The following ATP1B3 variants were observed in gnomAD, a reference collection of about 807,000 sequenced individuals.
The protein encoded by ATP1B3 is sodium/potassium-transporting ATPase subunit beta-3.
A neutral mutation model predicts 30.2 loss-of-function variants in ATP1B3; 10 were observed. The observed-to-expected ratio is 0.33, with a 90% CI of 0.20 to 0.56. The LOEUF (loss-of-function observed/expected upper bound fraction) is 0.56, where lower values mean the gene tolerates loss of function less well. Ranked by LOEUF, ATP1B3 falls within the 20% of genes least tolerant of loss-of-function variation. The pLI is 0.90. For synonymous variants in ATP1B3, 113 were observed against 117.0 expected (o/e 0.97, Z 0.22); for missense variants, 238 against 336.7 (o/e 0.71, Z 2.29).
chr3:141,919,095 A>G (rs1218443867), intron 5 of ATP1B3: 3 of 152,208 alleles, frequency 2.0e-5, no homozygotes, highest in Admixed American at 6.5e-5. Context: ...CATTTACTAC[A>G]TATCATAATT....
intron 1 of ATP1B3, 80 bp from the exon 2 acceptor site, chr3:141,903,540 G>A: frequency 1.3e-6 from 2 of 1,582,726 alleles, no homozygotes; most frequent in Non-Finnish European, 8.6e-7. Flanking sequence ...AGAACAGTTG[G>A]TTTGTTTTTT....
At chr3:141,884,041 T>A (rs1238782600) in intron 1 of ATP1B3, among the ~76,000 whole-genome samples, 2 of 152,230 alleles carry the variant, frequency 1.3e-5, no homozygotes, top group African/African-American at 4.8e-5. Context: ...ACTGCTTTTA[T>A]GAGACCCTCA....
At chr3:141,896,314 C>CAAA (rs545571151) in intron 1 of ATP1B3, among the ~76,000 whole-genome samples, 4 of 143,888 alleles carry the variant, frequency 2.8e-5, no homozygotes, top group African/African-American at 7.5e-5. Context: ...AGTAAAATTA[C>CAAA]AAAAAAAAAA....
At chr3:141,884,827 C>G (rs1174844388) in intron 1 of ATP1B3, among the ~76,000 whole-genome samples, 1 of 152,284 alleles carries the variant, frequency 6.6e-6, no homozygotes, top group East Asian at 1.9e-4. Flanking sequence ...CTGACTAATG[C>G]AATGTATGTA....
At chr3:141,892,428 T>G (rs1933972342) in intron 1 of ATP1B3, among the ~76,000 whole-genome samples, 2 of 152,160 alleles carry the variant, frequency 1.3e-5, no homozygotes, top group Non-Finnish European at 2.9e-5. Context: ...TAACTGACTC[T>G]GATAATGTCC....
Position 141,876,722 on chromosome 3 carries a change from C to CG in ATP1B3, c.-78dup. ...CACTGCCGTCTCCGGGCTGCGCCGC[C>CG]GGAGCCGGGACGCGCCTCCGCAGCC... On this transcript the variant is annotated 5_prime_UTR_variant, in exon 1 of 7. Coordinates refer to ENST00000286371, the MANE Select transcript of ATP1B3 (RefSeq NM_001679.4). 4 of 1,124,532 alleles carry CG rather than the reference C, an allele frequency of 3.6e-6. No individual in the cohort carries two copies. The highest frequency in any genetic ancestry group is 5.2e-6 in the Non-Finnish European group (4 of 776,456). 69.7% of individuals were successfully genotyped at this position (1,124,532 alleles called of 1,614,324 possible). A position where few individuals can be genotyped will look rare whatever the true frequency, so the allele number is the denominator to read the frequency against.
chr3:141,903,828 C>T, intron 2 of ATP1B3, 80 bp downstream of exon 2: 1 of 1,513,076 alleles, frequency 6.6e-7, no homozygotes, highest in Non-Finnish European at 9.0e-7. Context: ...GTTGCCCAGG[C>T]TGGAATGCAG....
In ATP1B3 at chr3:141,907,184, A is replaced by G; in HGVS notation, c.256A>G (p.Lys86Glu). ...CTTTATAGGACTCATGGTTTTTCCAAAACCAGTGACCGCATTGGAATATAC... is the reference window on the plus strand; with the variant it reads ...CTTTATAGGACTCATGGTTTTTCCAGAACCAGTGACCGCATTGGAATATAC... ...IPSPGLMVFP[K>E]PVTALEYTFS... The change falls in exon 3 of 7, where the codon AAA becomes GAA. Residue 86 changes from lysine (K) to glutamate (E), a missense_variant. By Grantham distance (56) the Lys-to-Glu change is moderately conservative. Transcript: ENST00000286371. 6.2e-7 allele frequency: 1 copy of G among 1,609,954 alleles called. No individual in the cohort carries two copies. Among genetic ancestry groups the G allele is most frequent in the Non-Finnish European group, 8.5e-7 (1 of 1,178,296 alleles).
At chr3:141,914,258 C>T (rs1300484976) in intron 4 of ATP1B3, among the ~76,000 whole-genome samples, 6 of 151,916 alleles carry the variant, frequency 3.9e-5, no homozygotes, top group Admixed American at 1.3e-4. Context: ...TTAACTTTTT[C>T]GAAATAGTAG....
rs1037453562 is a variant in ATP1B3 at position 141,926,071 on chromosome 3, A to G, written c.*370A>G. Reference sequence around the variant, plus strand: ...TAACAACTGTCATATTTTGATGTCAACAGAGTTTTAGGGATAAAATGGTAC... The same window carrying G: ...TAACAACTGTCATATTTTGATGTCAGCAGAGTTTTAGGGATAAAATGGTAC... On this transcript the variant is annotated 3_prime_UTR_variant, in exon 7 of 7. Transcript: ENST00000286371. 2 of 167,056 alleles carry G rather than the reference A, an allele frequency of 1.2e-5. No homozygotes were observed. Among genetic ancestry groups the G allele is most frequent in the African/African-American group, 2.4e-5 (1 of 41,998 alleles). 10.3% of individuals were successfully genotyped at this position (167,056 alleles called of 1,614,324 possible).
At chr3:141,902,053 C>T in intron 1 of ATP1B3, 2 of 1,040,892 alleles carry the variant, frequency 1.9e-6, no homozygotes, top group Non-Finnish European at 2.6e-6. Flanking sequence ...TTAAACTGGC[C>T]TGTGGGCTTT....
intron 6 of ATP1B3, among the ~76,000 whole-genome samples, chr3:141,924,649 G>A (rs1217502531): frequency 6.6e-6 from 1 of 151,496 alleles, no homozygotes; most frequent in Non-Finnish European, 1.5e-5. Flanking sequence ...TTTCAAAAAA[G>A]AATATTAAAA....
chr3:141,924,798 C>G (rs1934625582), intron 6 of ATP1B3, among the ~76,000 whole-genome samples: 1 of 151,636 alleles, frequency 6.6e-6, no homozygotes, highest in African/African-American at 2.4e-5. Flanking sequence ...ATTAAAAATA[C>G]AAAAGTTAGC....
At chr3:141,899,502 G>C (rs1038035580) in intron 1 of ATP1B3, among the ~76,000 whole-genome samples, 1 of 152,112 alleles carries the variant, frequency 6.6e-6, no homozygotes, top group Admixed American at 6.6e-5. Flanking sequence ...TGTTGAGGGG[G>C]CATATTTCCA....
chr3:141,901,872 A>G (rs1229560953), intron 1 of ATP1B3, among the ~76,000 whole-genome samples: 1 of 152,326 alleles, frequency 6.6e-6, no homozygotes, highest in Admixed American at 6.5e-5. Flanking sequence ...TGTCAACTGC[A>G]TGGGTCAACA....
rs531339546 is a variant in ATP1B3, at chr3:141,926,190, T to C, written c.*489T>C. On this transcript the variant is annotated 3_prime_UTR_variant, in exon 7 of 7. Transcript: ENST00000286371. ...AGGAAAAAAAGAAAATAAAAGTGTG[T>C]TTGAAAAATATTATCTTGGGTTCTT... 1 of 152,920 alleles carries C rather than the reference T, an allele frequency of 6.5e-6. No individual in the cohort carries two copies. Among genetic ancestry groups the C allele is most frequent in the East Asian group, 1.9e-4 (1 of 5,302 alleles). The allele number at this position is 152,920 out of a possible 1,614,324, so 9.5% of individuals were successfully genotyped here.
In ATP1B3 at chr3:141,879,811, C is replaced by CTT. The variant is rs150389395; in HGVS notation, c.109+2924_109+2925dup. The stretch of plus-strand genomic sequence containing the variant: ...AAAACCTTACAGTTTTTGGTAACAG[C>CTT]TTTTTTTTTTTTTTTTTTTTTTTTA... On this transcript the variant is annotated intron_variant, in intron 1 of 6. Coordinates refer to ENST00000286371, the MANE Select transcript of ATP1B3 (RefSeq NM_001679.4). 3.3e-3 allele frequency among the ~76,000 whole-genome samples: 194 copies of CTT among 57,930 alleles called. 2 individuals are homozygous for CTT. The highest frequency in any genetic ancestry group is 0.013 in the African/African-American group (158 of 11,758). The allele number at this position is 57,930 out of a possible 152,430, so 38.0% of individuals were successfully genotyped here.
chr3:141,920,255 G>A (rs183895145), intron 5 of ATP1B3, among the ~76,000 whole-genome samples: 21 of 152,216 alleles, frequency 1.4e-4, no homozygotes, highest in African/African-American at 3.1e-4. Flanking sequence ...GGAAGTGTAA[G>A]CTAAGTGTGG....
chr3:141,923,721 C>T (rs78765711), intron 6 of ATP1B3, among the ~76,000 whole-genome samples: 13,418 of 152,246 alleles, frequency 0.088, 730 homozygotes, highest in East Asian at 0.16. Flanking sequence ...ACTGTTAACA[C>T]GTTTAGCAAC....
Sources: gnomAD v4.1 joint callset for allele counts (sites outside exome capture counted in the v4.1 genomes callset) on GRCh38, gnomAD v4.1.1 for gene constraint, MANE v1.5 for transcripts, NCBI Gene and HGNC (gene_info 2026-07-23, HGNC 2026-07-21) for gene names.